IFNAR1: variants seen among roughly 807,000 people sequenced by gnomAD.
IFNAR1 encodes interferon alpha/beta receptor 1.
In IFNAR1, 47 loss-of-function variants were observed where a neutral mutation model predicts 62.1. The ratio of observed to expected loss-of-function variants is 0.76; its 90% CI spans 0.60 to 0.97. The LOEUF is 0.97. IFNAR1 is among the 50% of genes least tolerant of loss of function. The probability of loss-of-function intolerance (pLI) is 0.00; values close to 1 mark genes in which losing one functional copy is unlikely to be tolerated. For synonymous variants in IFNAR1, 219 were observed against 226.9 expected, an observed-to-expected ratio of 0.97 and a Z score of 0.31; for missense variants, 638 against 654.5, an observed-to-expected ratio of 0.97 and a Z score of 0.27.
intron 8 of IFNAR1, among the ~76,000 whole-genome samples, chr21:33,350,809 C>A (rs897717629): frequency 2.6e-5 from 4 of 152,190 alleles, no homozygotes; most frequent in African/African-American, 9.7e-5. Context: ...GAATTATGGT[C>A]GGTTTTCAGA....
chr21:33,335,740 G>T (rs2083227786), intron 2 of IFNAR1, 93 bp downstream of exon 2: 3 of 1,102,384 alleles, frequency 2.7e-6, no homozygotes, highest in Non-Finnish European at 1.3e-6. Context: ...AAAGTGTTTG[G>T]TTTTTCTATT....
At chr21:33,345,710 A>G (rs943391688) in intron 6 of IFNAR1, among the ~76,000 whole-genome samples, 1 of 152,216 alleles carries the variant, frequency 6.6e-6, no homozygotes, top group Non-Finnish European at 1.5e-5. Flanking sequence ...ATCTTTTTCT[A>G]AGAACTCACT....
In IFNAR1 at chr21:33,349,179, T is replaced by A. The variant is rs1317880676; in HGVS notation, c.877T>A (p.Phe293Ile). 5 of 1,613,030 alleles carry A rather than the reference T, an allele frequency of 3.1e-6. No homozygotes were observed. In the East Asian group the frequency reaches 1.1e-4, roughly 36 times the overall value. The change falls in exon 7 of 11, where the codon TTT becomes ATT. Residue 293 changes from phenylalanine (F) to isoleucine (I), a missense_variant. Phe to Ile is a conservative substitution (Grantham distance 21). Transcript: ENST00000270139. ...CENVKTTQCV[F>I]PQNVFQKGIY... is the part of the protein sequence containing the mutation. ...AAATGTCAAAACTACCCAGTGTGTC[T>A]TTCCTCAAAACGTTTTCCAAAAAGG...
At chr21:33,351,729 T>C (rs998054838) in intron 8 of IFNAR1, among the ~76,000 whole-genome samples, 1 of 152,026 alleles carries the variant, frequency 6.6e-6, no homozygotes. Flanking sequence ...TTTGTATTTT[T>C]GCTAAAGATG....
chr21:33,335,649 T>C lies in IFNAR1; in HGVS notation c.200+2T>C. 1 of 1,547,128 alleles carries C rather than the reference T, an allele frequency of 6.5e-7. No homozygotes were observed. Among genetic ancestry groups the C allele is most frequent in the Non-Finnish European group, 8.7e-7 (1 of 1,145,464 alleles). Reference sequence around the variant, plus strand: ...GACTTTTTCATTCGATTATCAAAAGTATGTGACTCTACTTACTGATTTGTC... The same window carrying C: ...GACTTTTTCATTCGATTATCAAAAGCATGTGACTCTACTTACTGATTTGTC... On this transcript the variant is annotated splice_donor_variant, in intron 2 of 10. Transcript: ENST00000270139. LOFTEE classifies it high-confidence loss of function.
intron 8 of IFNAR1, among the ~76,000 whole-genome samples, chr21:33,351,536 T>C (rs924899212): frequency 6.7e-6 from 1 of 149,858 alleles, no homozygotes; most frequent in Non-Finnish European, 1.5e-5. Flanking sequence ...TATATTTTTT[T>C]ATTTTATTTT....
At chr21:33,330,433 A>C (rs537282971) in intron 1 of IFNAR1, among the ~76,000 whole-genome samples, 1 of 152,292 alleles carries the variant, frequency 6.6e-6, no homozygotes, top group Admixed American at 6.5e-5. Context: ...GAAAATTAGA[A>C]AGTCACTGTA....
chr21:33,324,967 G>T (rs1471391054), upstream of IFNAR1: 4 of 1,180,546 alleles, frequency 3.4e-6, no homozygotes, highest in Non-Finnish European at 4.9e-6. Context: ...TGTGCAGAGG[G>T]GCGGTGTGAC....
intron 2 of IFNAR1, 99 bp downstream of exon 2, chr21:33,335,746 C>T: frequency 9.5e-7 from 1 of 1,048,436 alleles, no homozygotes; most frequent in Non-Finnish European, 1.3e-6. Flanking sequence ...TTTGGTTTTT[C>T]TATTTTTTAG....
At position 33,349,452 on chromosome 21, in the gene IFNAR1, G is replaced by A; in HGVS notation, c.1052G>A (p.Gly351Asp). 6.2e-7 allele frequency: 1 copy of A among 1,610,646 alleles called. No individual in the cohort carries two copies. Among genetic ancestry groups the A allele is most frequent in the East Asian group, 2.2e-5 (1 of 44,822 alleles). The change falls in exon 8 of 11, where the codon GGT becomes GAT. Residue 351 changes from glycine to aspartate, a missense_variant. Gly to Asp is a moderately conservative substitution (Grantham distance 94, BLOSUM62 -1). Coordinates refer to ENST00000270139, the MANE Select transcript of IFNAR1 (RefSeq NM_000629.3). Reference sequence around the variant, plus strand: ...AGTGATTCATTCCATATCTATATCGGTGCTCCAAAACAGTCTGGAAACACG... The same window carrying A: ...AGTGATTCATTCCATATCTATATCGATGCTCCAAAACAGTCTGGAAACACG... Reference protein sequence around the residue: ...SLSDSFHIYIGAPKQSGNTPV... With the variant: ...SLSDSFHIYIDAPKQSGNTPV...
upstream of IFNAR1, chr21:33,324,944 GA>G (rs1568923570): frequency 6.7e-6 from 6 of 891,216 alleles, no homozygotes; most frequent in Admixed American, 2.1e-5. Flanking sequence ...TGAGAGCTAA[GA>G]GGGGCAGCGC....
intron 8 of IFNAR1, among the ~76,000 whole-genome samples, chr21:33,350,339 T>C (rs934947354): frequency 6.6e-6 from 1 of 151,652 alleles, no homozygotes; most frequent in African/African-American, 2.4e-5. Flanking sequence ...CAAAAATTGG[T>C]TCTTATGGGA....
chr21:33,351,740 G>C (rs984620006), intron 8 of IFNAR1, among the ~76,000 whole-genome samples: 4 of 151,908 alleles, frequency 2.6e-5, no homozygotes, highest in African/African-American at 7.3e-5. Context: ...GCTAAAGATG[G>C]AGTTTCACCA....
At position 33,358,164 on chromosome 21, in the gene IFNAR1, A is replaced by C. The variant is rs1039561407; in HGVS notation, c.*2615A>C. ...TTTCAGTGAACAAGCGCTGAGCACCAGCAGCAGAAAACAACAACAAAAAAA... is the reference window on the plus strand; with the variant it reads ...TTTCAGTGAACAAGCGCTGAGCACCCGCAGCAGAAAACAACAACAAAAAAA... On this transcript the variant is annotated 3_prime_UTR_variant, in exon 11 of 11. Coordinates refer to ENST00000270139, the MANE Select transcript of IFNAR1 (RefSeq NM_000629.3). 4.6e-5 allele frequency: 7 copies of C among 152,372 alleles called. No individual in the cohort carries two copies. The East Asian group carries it at 1.3e-3, about 29-fold the overall frequency. The allele number at this position is 152,372 out of a possible 1,614,324, so 9.4% of individuals were successfully genotyped here. A position where few individuals can be genotyped will look rare whatever the true frequency, so the allele number is the denominator to read the frequency against.
At chr21:33,343,117 A>G in intron 3 of IFNAR1, 151 bp from the exon 4 acceptor site, 1 of 629,910 alleles carries the variant, frequency 1.6e-6, no homozygotes. Flanking sequence ...GTATCACTCC[A>G]CTGGTGATCT....
intron 1 of IFNAR1, among the ~76,000 whole-genome samples, chr21:33,328,827 T>C (rs1353157776): frequency 2.0e-5 from 3 of 152,092 alleles, no homozygotes; most frequent in African/African-American, 7.2e-5. Flanking sequence ...AAATGCATTA[T>C]ATATATATTA....
intron 2 of IFNAR1, among the ~76,000 whole-genome samples, chr21:33,339,814 G>A (rs78166289): frequency 0.043 from 6,518 of 151,280 alleles, 478 homozygotes; most frequent in African/African-American, 0.15. Context: ...TGTAATCACA[G>A]CTAGTTGAGA....
Position 33,352,828 on chromosome 21 carries a change from A to G in IFNAR1, c.1214A>G (p.Lys405Arg), listed in dbSNP as rs758083656. 6.2e-7 allele frequency: 1 copy of G among 1,603,144 alleles called. No homozygotes were observed. ...AAACCACTGACTGTATATTGTGTGAAAGCCAGAGCACACACCATGGATGAA... is the reference window on the plus strand; with the variant it reads ...AAACCACTGACTGTATATTGTGTGAGAGCCAGAGCACACACCATGGATGAA... ...NLKPLTVYCV[K>R]ARAHTMDEKL... Residue 405 changes from lysine (K) to arginine (R), a missense_variant, in exon 9 of 11, where the codon AAA becomes AGA. Transcript: ENST00000270139.
At position 33,357,836 on chromosome 21, in the gene IFNAR1, C is replaced by G. The variant is rs1007152534; in HGVS notation, c.*2287C>G. On this transcript the variant is annotated 3_prime_UTR_variant, in exon 11 of 11. Coordinates refer to ENST00000270139, the MANE Select transcript of IFNAR1 (RefSeq NM_000629.3). ...AGCCACCGTGCACGGCCGGCCTGAC[C>G]TTTGGAAAAGCCTTGTCACTTTGGA... 1.3e-5 allele frequency: 2 copies of G among 152,162 alleles called. No homozygotes were observed. The highest frequency in any genetic ancestry group is 1.3e-4 in the Admixed American group (2 of 15,264). 9.4% of individuals were successfully genotyped at this position (152,162 alleles called of 1,614,324 possible). A position where few individuals can be genotyped will look rare whatever the true frequency, so the allele number is the denominator to read the frequency against.
Sources: gnomAD v4.1 joint callset for allele counts (sites outside exome capture counted in the v4.1 genomes callset) on GRCh38, gnomAD v4.1.1 for gene constraint, MANE v1.5 for transcripts, NCBI Gene and HGNC (gene_info 2026-07-23, HGNC 2026-07-21) for gene names.